SP3: variants seen among roughly 807,000 people sequenced by gnomAD.
The protein encoded by SP3 is transcription factor Sp3.
Under a neutral mutation model 70.3 loss-of-function variants are expected in SP3, and 10 were observed. The observed-to-expected ratio is 0.14, with a 90% CI of 0.09 to 0.24. SP3 has a LOEUF of 0.24. SP3 is among the 10% of genes least tolerant of loss of function. The pLI is 1.00. For missense variants in SP3, 825 were observed against 914.6 expected, an observed-to-expected ratio of 0.90 and a Z score of 1.26; for synonymous variants, 402 against 333.5, an observed-to-expected ratio of 1.21 and a Z score of -2.24.
At chr2:173,953,220 T>C (rs1690768912) in intron 4 of SP3, among the ~76,000 whole-genome samples, 3 of 152,268 alleles carry the variant, frequency 2.0e-5, no homozygotes, top group African/African-American at 7.2e-5. Flanking sequence ...TACAGTTTGC[T>C]GTCACTGCCT....
chr2:173,938,459 C>CAAAAAAAA (rs747595137), intron 4 of SP3, among the ~76,000 whole-genome samples: 4 of 46,376 alleles, frequency 8.6e-5, no homozygotes, highest in Non-Finnish European at 1.3e-4. Flanking sequence ...AACTTTGCCT[C>CAAAAAAAA]AAAAAAAAAA....
At chr2:173,928,575 AATCCTGAGTTGGT>A (rs151072035) in intron 4 of SP3, among the ~76,000 whole-genome samples, 5,579 of 152,158 alleles carry the variant, frequency 0.037, 363 homozygotes, top group African/African-American at 0.13. Flanking sequence ...GACTGTAAAC[AATCCTGAGTTGGT>A]ATCAATATAA....
chr2:173,934,236 T>TAA (rs572835204), intron 4 of SP3, among the ~76,000 whole-genome samples: 3 of 136,566 alleles, frequency 2.2e-5, no homozygotes, highest in Non-Finnish European at 3.2e-5. Context: ...AACTTGTCTC[T>TAA]AAAAAAAAAA....
In SP3 at chr2:173,940,904, C is replaced by T. The variant is rs111888595; in HGVS notation, c.1639+13969G>A. ...CATATCTGTATCTCTGAATGTCTAT[C>T]CAATGCCCTTTCCCTGTTATAATGA... On this transcript the variant is annotated intron_variant, in intron 4 of 6. Coordinates refer to ENST00000310015, the MANE Select transcript of SP3 (RefSeq NM_003111.5). 2.2e-3 allele frequency among the ~76,000 whole-genome samples: 340 copies of T among 152,228 alleles called. 1 individual carries two copies. The highest frequency in any genetic ancestry group is 7.5e-3 in the African/African-American group (313 of 41,532).
intron 4 of SP3, among the ~76,000 whole-genome samples, chr2:173,943,475 T>C (rs539645167): frequency 3.3e-5 from 5 of 152,278 alleles, no homozygotes; most frequent in Admixed American, 1.3e-4. Flanking sequence ...GGTTATTCCA[T>C]AACTCTGCTT....
At chr2:173,929,025 A>G (rs1351643508) in intron 4 of SP3, among the ~76,000 whole-genome samples, 1 of 152,222 alleles carries the variant, frequency 6.6e-6, no homozygotes, top group African/African-American at 2.4e-5. Context: ...CAAATGTCCA[A>G]TTCAGGTTGG....
intron 4 of SP3, among the ~76,000 whole-genome samples, chr2:173,919,397 G>C (rs1689688737): frequency 6.6e-6 from 1 of 152,122 alleles, no homozygotes; most frequent in East Asian, 1.9e-4. Flanking sequence ...ACTTAATACA[G>C]ATACTTTAAA....
rs990923795 is a variant in SP3, at chr2:173,906,512, T to C, written c.*3429A>G. 4 of 152,232 alleles carry C rather than the reference T, an allele frequency of 2.6e-5. No individual in the cohort carries two copies. Among genetic ancestry groups the C allele is most frequent in the South Asian group, 2.1e-4 (1 of 4,836 alleles). 9.4% of individuals were successfully genotyped at this position (152,232 alleles called of 1,614,324 possible). On this transcript the variant is annotated 3_prime_UTR_variant, in exon 7 of 7. Transcript: ENST00000310015. ...AATAATTCTTTTACAACAAAAACGA[T>C]TGTTACCAGCTTCATATAATTAAAA...
chr2:173,939,304 T>C (rs897113688), intron 4 of SP3, among the ~76,000 whole-genome samples: 1 of 152,154 alleles, frequency 6.6e-6, no homozygotes, highest in African/African-American at 2.4e-5. Flanking sequence ...AAATGATGTA[T>C]TGGAACAGTT....
chr2:173,918,004 A>G (rs1268034420), intron 5 of SP3, among the ~76,000 whole-genome samples: 1 of 151,354 alleles, frequency 6.6e-6, no homozygotes, highest in African/African-American at 2.4e-5. Flanking sequence ...TTTTTTTTAA[A>G]AAAAATATGA....
intron 4 of SP3, among the ~76,000 whole-genome samples, chr2:173,928,521 G>C (rs1345746455): frequency 6.8e-6 from 1 of 147,678 alleles, no homozygotes; most frequent in Non-Finnish European, 1.5e-5. Flanking sequence ...AAAAAAAGCA[G>C]AACTGCCTGT....
chr2:173,965,376 C>T (rs1293137158), upstream of SP3: 4 of 597,156 alleles, frequency 6.7e-6, no homozygotes, highest in South Asian at 6.3e-5. Context: ...AGGGTGACAG[C>T]CCGCCCGGAA....
intron 3 of SP3, 53 bp downstream of exon 3, chr2:173,963,708 C>T: frequency 2.7e-6 from 2 of 733,276 alleles, no homozygotes; most frequent in Non-Finnish European, 3.4e-6. Flanking sequence ...CGCCACGGGT[C>T]CGGGATGGCG....
At position 173,963,769 on chromosome 2, in the gene SP3, C is replaced by G; in HGVS notation, c.271G>C (p.Ala91Pro). The G allele has an allele frequency of 7.7e-7, 1 of 1,291,910 alleles. No individual in the cohort carries two copies. The highest frequency in any genetic ancestry group is 1.0e-6 in the Non-Finnish European group (1 of 1,002,578). The allele number at this position is 1,291,910 out of a possible 1,614,324, so 80.0% of individuals were successfully genotyped here. ...AAAAAGAPAAAGATGDLASAQ... is the reference protein window; with the variant it reads ...AAAAAGAPAAPGATGDLASAQ... ...CCGCGCGCGGGACTTACCGCTCCGG[C>G]GGCGGCGGGGGCCCCGGCTGCGGCG... The change falls in exon 3 of 7, where the codon GCC becomes CCC. Residue 91 changes from alanine to proline, a missense_variant. Physicochemically the swap from Ala to Pro is conservative, Grantham distance 27. Coordinates refer to ENST00000310015, the MANE Select transcript of SP3 (RefSeq NM_003111.5).
chr2:173,934,148 T>C (rs1198923310), intron 4 of SP3, among the ~76,000 whole-genome samples: 1 of 151,654 alleles, frequency 6.6e-6, no homozygotes, highest in Admixed American at 6.6e-5. Context: ...GCTAACACAG[T>C]AGGATCACAT....
In SP3 at chr2:173,964,472, T is replaced by TGGC; in HGVS notation, c.86_88dup (p.Gly29_His30insArg). On this transcript the variant is annotated inframe_insertion, in exon 2 of 7. Transcript: ENST00000310015. ...TTGCTGCTGCTGCAGATACTCGCCG[T>TGGC]GGCCGCCGCCGCCGCCACCGCCGCC... The TGGC allele has an allele frequency of 1.6e-6, 1 of 627,272 alleles. No homozygotes were observed. The highest frequency in any genetic ancestry group is 3.4e-5 in the East Asian group (1 of 29,136). The allele number at this position is 627,272 out of a possible 1,614,324, so 38.9% of individuals were successfully genotyped here.
At chr2:173,912,948 G>A in intron 6 of SP3, 122 bp downstream of exon 6, 1 of 619,578 alleles carries the variant, frequency 1.6e-6, no homozygotes. Context: ...GGTAAAAATT[G>A]GATGTAATTC....
chr2:173,955,593 C>A lies in SP3; in HGVS notation c.919G>T (p.Asp307Tyr). The A allele has an allele frequency of 6.2e-7, 1 of 1,614,070 alleles. No homozygotes were observed. Among genetic ancestry groups the A allele is most frequent in the Non-Finnish European group, 8.5e-7 (1 of 1,180,034 alleles). The change falls in exon 4 of 7, where the codon GAC (aspartate) becomes TAC (tyrosine). Residue 307 changes from aspartate (D) to tyrosine (Y), a missense_variant. Asp to Tyr is a radical substitution (Grantham distance 160). Coordinates refer to ENST00000310015, the MANE Select transcript of SP3 (RefSeq NM_003111.5). ...INTGQAMDSS[D>Y]NSERTGERVS... ...CGCTCACCAGTCCTTTCTGAATTGTCTGAACTATCCATAGCTTGTCCTGTG... is the reference window on the plus strand; with the variant it reads ...CGCTCACCAGTCCTTTCTGAATTGTATGAACTATCCATAGCTTGTCCTGTG...
chr2:173,926,141 C>T (rs138846395), intron 4 of SP3, among the ~76,000 whole-genome samples: 1 of 152,248 alleles, frequency 6.6e-6, no homozygotes, highest in East Asian at 1.9e-4. Flanking sequence ...ATGTAGTTTA[C>T]CTCCTTTCCC....
Sources: gnomAD v4.1 joint callset for allele counts (sites outside exome capture counted in the v4.1 genomes callset) on GRCh38, gnomAD v4.1.1 for gene constraint, MANE v1.5 for transcripts, NCBI Gene and HGNC (gene_info 2026-07-23, HGNC 2026-07-21) for gene names.